The following RXRB variants were observed in gnomAD, a reference collection of about 807,000 sequenced individuals.
RXRB encodes retinoic acid receptor RXR-beta.
RXRB carries 18 observed loss-of-function variants against 52.5 expected under a neutral mutation model. The ratio of observed to expected loss-of-function variants is 0.34; its 90% CI spans 0.24 to 0.51. The LOEUF is 0.51. Ranked by LOEUF, RXRB falls within the 20% of genes least tolerant of loss-of-function variation. The pLI is 0.97. For missense variants in RXRB, 455 were observed against 698.2 expected (o/e 0.65, Z 3.92); for synonymous variants, 233 against 267.1 (o/e 0.87, Z 1.25).
intron 1 of RXRB, chr6:33,199,879 C>T: frequency 1.2e-5 from 8 of 643,922 alleles, no homozygotes; most frequent in South Asian, 1.1e-4. Context: ...CCCCTCTATT[C>T]CCAGCGTAAA....
intron 3 of RXRB, 61 bp from the exon 4 acceptor site, chr6:33,198,002 T>C: frequency 6.5e-7 from 1 of 1,546,610 alleles, no homozygotes; most frequent in Non-Finnish European, 8.8e-7. Flanking sequence ...CCATTTAGTC[T>C]GTTTCCAATC....
rs913485761 is a variant in RXRB at position 33,195,137 on chromosome 6, T to C, written c.1349-87A>G. On this transcript the variant is annotated intron_variant, in intron 8 of 9. Transcript: ENST00000374680. This position sits in a 1 kb window ranked among gnomAD's most constrained non-coding sequence, Gnocchi z 8.6. ...GCAGATGTGAGCCACAGGATGCCCC[T>C]TTTGGGCTGCACTTGCTTGCCCTTT... 3.9e-6 allele frequency: 4 copies of C among 1,020,586 alleles called. No individual in the cohort carries two copies. Among genetic ancestry groups the C allele is most frequent in the Admixed American group, 1.9e-5 (1 of 53,174 alleles). The allele number at this position is 1,020,586 out of a possible 1,614,324, so 63.2% of individuals were successfully genotyped here.
Position 33,196,414 on chromosome 6 carries a change from G to T in RXRB, c.993+20C>A. 1 of 1,611,234 alleles carries T rather than the reference G, an allele frequency of 6.2e-7. No homozygotes were observed. The highest frequency in any genetic ancestry group is 8.5e-7 in the Non-Finnish European group (1 of 1,178,508). On this transcript the variant is annotated intron_variant, in intron 5 of 9. Transcript: ENST00000374680. The surrounding 1 kb of genome is among the most constrained non-coding windows in gnomAD (Gnocchi z 4.0). ...CCCAACCCCCATCACGAAGGAGAGTGGATTGACCCCAACACTCACGCTGCT... is the reference window on the plus strand; with the variant it reads ...CCCAACCCCCATCACGAAGGAGAGTTGATTGACCCCAACACTCACGCTGCT...
In RXRB at chr6:33,198,353, C is replaced by G; in HGVS notation, c.595G>C (p.Gly199Arg). 6.2e-7 allele frequency: 1 copy of G among 1,613,082 alleles called. No individual in the cohort carries two copies. Among genetic ancestry groups the G allele is most frequent in the Non-Finnish European group, 8.5e-7 (1 of 1,180,022 alleles). ...LHCPPPPGGP[G>R]AGKRLCAICG... ...ATTGCACATAGCCGTTTGCCAGCCCCAGGGCCACCTGGAGGGGGTGGACAG... is the reference window on the plus strand; with the variant it reads ...ATTGCACATAGCCGTTTGCCAGCCCGAGGGCCACCTGGAGGGGGTGGACAG... The change falls in exon 3 of 10, where the codon GGG becomes CGG. Residue 199 changes from glycine (G) to arginine (R), a missense_variant. Gly to Arg is a moderately radical substitution (Grantham distance 125). Around this residue, in one of 4 missense-constraint regions of RXRB, gnomAD observed 225 missense variants for 258.6 expected, o/e 0.87. Transcript: ENST00000374680.
rs750935492 is a variant in RXRB, at chr6:33,200,346, T to A, written c.131A>T (p.Asp44Val). ...CGCCGCCGCCGCCGCCGCTGCGGGATCCAGCCAGGGCCGTCGCCGCCGCCA... is the reference window on the plus strand; with the variant it reads ...CGCCGCCGCCGCCGCCGCTGCGGGAACCAGCCAGGGCCGTCGCCGCCGCCA... Reference protein sequence around the residue: ...SRWRRRRPWLDPAAAAAAAVA... With the variant: ...SRWRRRRPWLVPAAAAAAAVA... Residue 44 changes from aspartate (D) to valine (V), a missense_variant, in exon 1 of 10, where the codon GAT becomes GTT. By Grantham distance (152) the Asp-to-Val change is radical (BLOSUM62 -3). Coordinates refer to ENST00000374680, the MANE Select transcript of RXRB (RefSeq NM_021976.5). The surrounding 1 kb of genome is among the most constrained non-coding windows in gnomAD (Gnocchi z 6.3). 1.3e-6 allele frequency: 2 copies of A among 1,580,286 alleles called. No homozygotes were observed. The highest frequency in any genetic ancestry group is 1.4e-5 in the African/African-American group (1 of 74,062).
In RXRB at chr6:33,194,840, G is replaced by A. The variant is rs1229439558; in HGVS notation, c.1455-11C>T. ...AGCAGCTTGGCAAACCTGGGGTGGA[G>A]GTGGGAGAAGGGGATTGAGAGCTGG... On this transcript the variant is annotated splice_polypyrimidine_tract_variant and intron_variant, in intron 9 of 9. Transcript: ENST00000374680. This position sits in a 1 kb window ranked among gnomAD's most constrained non-coding sequence, Gnocchi z 4.1. 1 of 1,612,638 alleles carries A rather than the reference G, an allele frequency of 6.2e-7. No homozygotes were observed. The highest frequency in any genetic ancestry group is 8.5e-7 in the Non-Finnish European group (1 of 1,179,902).
Position 33,194,855 on chromosome 6 carries a change from T to C in RXRB, c.1455-26A>G. On this transcript the variant is annotated intron_variant, in intron 9 of 9. Transcript: ENST00000374680. The surrounding 1 kb of genome is among the most constrained non-coding windows in gnomAD (Gnocchi z 4.1). ...CTGGGGTGGAGGTGGGAGAAGGGGA[T>C]TGAGAGCTGGAAGCACACGGGCCCT... 5.0e-6 allele frequency: 8 copies of C among 1,612,252 alleles called. No homozygotes were observed. Among genetic ancestry groups the C allele is most frequent in the Middle Eastern group, 1.7e-4 (1 of 6,054 alleles).
Position 33,197,088 on chromosome 6 carries a change from G to A in RXRB, c.821-482C>T, listed in dbSNP as rs1272166706. ...TGGCAGGTCATACAACTGACTCTAA[G>A]TGTGTCTGAGTGCAAATCTTGTGCT... is the stretch of plus-strand genomic sequence containing the variant. On this transcript the variant is annotated intron_variant, in intron 4 of 9. Transcript: ENST00000374680. The surrounding 1 kb of genome is among the most constrained non-coding windows in gnomAD (Gnocchi z 4.4). Among the ~76,000 whole-genome samples the A allele has an allele frequency of 2.6e-5, 4 of 152,176 alleles. No individual in the cohort carries two copies. Among genetic ancestry groups the A allele is most frequent in the Admixed American group, 2.6e-4 (4 of 15,280 alleles).
In RXRB at chr6:33,197,994, A is replaced by T; in HGVS notation, c.641-53T>A. ...AAGGTTGCATGGAGACACCTTCACC[A>T]TTTAGTCTGTTTCCAATCTCCCCCT... On this transcript the variant is annotated intron_variant, in intron 3 of 9. Coordinates refer to ENST00000374680, the MANE Select transcript of RXRB (RefSeq NM_021976.5). This position sits in a 1 kb window ranked among gnomAD's most constrained non-coding sequence, Gnocchi z 4.4. The T allele has an allele frequency of 6.4e-7, 1 of 1,560,538 alleles. No homozygotes were observed. Among genetic ancestry groups the T allele is most frequent in the Non-Finnish European group, 8.7e-7 (1 of 1,143,338 alleles).
rs927088982 is a variant in RXRB at position 33,196,999 on chromosome 6, C to G, written c.821-393G>C. Among the ~76,000 whole-genome samples, 1 of 152,178 alleles carries G rather than the reference C, an allele frequency of 6.6e-6. No homozygotes were observed. The highest frequency in any genetic ancestry group is 1.5e-5 in the Non-Finnish European group (1 of 68,034). ...CATAATGATGCTGGAAGCATTTATT[C>G]TCATTTTTAAGATGAAGAACTCGGG... is the stretch of plus-strand genomic sequence containing the variant. On this transcript the variant is annotated intron_variant, in intron 4 of 9. Coordinates refer to ENST00000374680, the MANE Select transcript of RXRB (RefSeq NM_021976.5). This position sits in a 1 kb window ranked among gnomAD's most constrained non-coding sequence, Gnocchi z 4.0.
In RXRB at chr6:33,200,319, A is replaced by ACCG. The variant is rs758231993; in HGVS notation, c.155_157dup (p.Ala52dup). 4.1e-4 allele frequency: 653 copies of ACCG among 1,589,104 alleles called. 1 individual carries two copies. The highest frequency in any genetic ancestry group is 1.8e-3 in the African/African-American group (135 of 74,244). On this transcript the variant is annotated inframe_insertion, in exon 1 of 10. Coordinates refer to ENST00000374680, the MANE Select transcript of RXRB (RefSeq NM_021976.5). The surrounding 1 kb of genome is among the most constrained non-coding windows in gnomAD (Gnocchi z 6.3). The stretch of plus-strand genomic sequence containing the variant: ...CGGGGTTTGTTGTTCTCCGCCTGCC[A>ACCG]CCGCCGCCGCCGCCGCCGCTGCGGG...
Position 33,196,305 on chromosome 6 carries a change from A to G in RXRB, c.993+129T>C. 9.3e-7 allele frequency: 1 copy of G among 1,080,200 alleles called. No individual in the cohort carries two copies. Among genetic ancestry groups the G allele is most frequent in the Non-Finnish European group, 1.4e-6 (1 of 701,520 alleles). The allele number at this position is 1,080,200 out of a possible 1,614,324, so 66.9% of individuals were successfully genotyped here. ...AGATGTTTGAAAGACCTTGTTTGGC[A>G]GCACCTCCAGTCCCAAGTAGTGTTA... is the stretch of plus-strand genomic sequence containing the variant. On this transcript the variant is annotated intron_variant, in intron 5 of 9. Transcript: ENST00000374680. The surrounding 1 kb of genome is among the most constrained non-coding windows in gnomAD (Gnocchi z 4.0).
Position 33,195,302 on chromosome 6 carries a change from G to A in RXRB, c.1348+61C>T, listed in dbSNP as rs576962104. ...GATAGCTGGGTAACTTAGGAGTCTC[G>A]GAGAAGAGGAGGCTCCAAGGTTGCC... On this transcript the variant is annotated intron_variant, in intron 8 of 9. Transcript: ENST00000374680. The surrounding 1 kb of genome is among the most constrained non-coding windows in gnomAD (Gnocchi z 8.6). The A allele has an allele frequency of 1.3e-4, 142 of 1,067,520 alleles. No individual in the cohort carries two copies. The highest frequency in any genetic ancestry group is 1.8e-4 in the Non-Finnish European group (123 of 682,942). 66.1% of individuals were successfully genotyped at this position (1,067,520 alleles called of 1,614,324 possible). A position where few individuals can be genotyped will look rare whatever the true frequency, so the allele number is the denominator to read the frequency against.
At position 33,200,299 on chromosome 6, in the gene RXRB, TTTG is replaced by T. The variant is rs754925485; in HGVS notation, c.175_177del (p.Gln59del). 17 of 1,601,682 alleles carry T rather than the reference TTTG, an allele frequency of 1.1e-5. No individual in the cohort carries two copies. Among genetic ancestry groups the T allele is most frequent in the Non-Finnish European group, 1.3e-5 (15 of 1,177,408 alleles). On this transcript the variant is annotated inframe_deletion, in exon 1 of 10. Transcript: ENST00000374680. The surrounding 1 kb of genome is among the most constrained non-coding windows in gnomAD (Gnocchi z 6.3). ...GCCTCCCCTGGCTCCGGCTCCGGGG[TTTG>T]TTGTTCTCCGCCTGCCACCGCCGCC...
At chr6:33,199,938 C>G (rs889515936) in intron 1 of RXRB, 1 of 726,160 alleles carries the variant, frequency 1.4e-6, no homozygotes, top group African/African-American at 1.7e-5. Flanking sequence ...GGAGAGACCC[C>G]TCCTAAGACG....
rs1773875186 is a variant in RXRB at position 33,196,118 on chromosome 6, C to T, written c.994-82G>A. The T allele has an allele frequency of 3.2e-6, 5 of 1,552,142 alleles. No individual in the cohort carries two copies. Among genetic ancestry groups the T allele is most frequent in the Non-Finnish European group, 3.5e-6 (4 of 1,129,974 alleles). On this transcript the variant is annotated intron_variant, in intron 5 of 9. Transcript: ENST00000374680. This position sits in a 1 kb window ranked among gnomAD's most constrained non-coding sequence, Gnocchi z 4.0. ...TTGTAAGAGGCTTTTGACACCCCCT[C>T]CTTACATATAGTCTTCCTGTGAGCC...
chr6:33,194,930 C>T lies in RXRB; in HGVS notation c.1454+15G>A, dbSNP rs1350445782. 1 of 1,611,854 alleles carries T rather than the reference C, an allele frequency of 6.2e-7. No homozygotes were observed. Among genetic ancestry groups the T allele is most frequent in the Non-Finnish European group, 8.5e-7 (1 of 1,179,096 alleles). On this transcript the variant is annotated intron_variant, in intron 9 of 9. Coordinates refer to ENST00000374680, the MANE Select transcript of RXRB (RefSeq NM_021976.5). The surrounding 1 kb of genome is among the most constrained non-coding windows in gnomAD (Gnocchi z 4.1). ...ACCCCCAAGGGAGCCTCAGTGCCCC[C>T]CAGCCCCATCTCACCGTCCCTGCTG... is the stretch of plus-strand genomic sequence containing the variant.
At position 33,196,442 on chromosome 6, in the gene RXRB, C is replaced by T. The variant is rs1290893227; in HGVS notation, c.985G>A (p.Gly329Ser). The T allele has an allele frequency of 6.8e-6, 11 of 1,612,860 alleles. No individual in the cohort carries two copies. Among genetic ancestry groups the T allele is most frequent in the Non-Finnish European group, 8.5e-6 (10 of 1,179,994 alleles). ...TTGACCCCAACACTCACGCTGCTGC[C>T]GCTACCCCCGGTTCCCCCAGGACCC... Reference protein sequence around the residue: ...VEGPGGTGGSGSSPNDPVTNI... With the variant: ...VEGPGGTGGSSSSPNDPVTNI... Residue 329 changes from glycine (G) to serine (S), a missense_variant, in exon 5 of 10, where the codon GGC becomes AGC. Gly to Ser is a moderately conservative substitution (Grantham distance 56). Around this residue, in one of 4 missense-constraint regions of RXRB, gnomAD observed 100 missense variants for 141.9 expected, o/e 0.70. Coordinates refer to ENST00000374680, the MANE Select transcript of RXRB (RefSeq NM_021976.5). This position sits in a 1 kb window ranked among gnomAD's most constrained non-coding sequence, Gnocchi z 4.0.
intron 2 of RXRB, 74 bp from the exon 3 acceptor site, chr6:33,198,538 A>G (rs779933033): frequency 7.2e-7 from 1 of 1,396,388 alleles, no homozygotes; most frequent in Admixed American, 1.7e-5. Context: ...GATGGAAATC[A>G]TTCCCTACCA....
Sources: gnomAD v4.1 joint callset for allele counts (sites outside exome capture counted in the v4.1 genomes callset) on GRCh38, gnomAD v4.1.1 for gene constraint, gnomAD v4.1.1 regional missense constraint, Gnocchi (gnomAD v3.1) non-coding constraint, MANE v1.5 for transcripts, NCBI Gene and HGNC (gene_info 2026-07-23, HGNC 2026-07-21) for gene names.